The following STK39 variants were observed in gnomAD, a reference collection of about 807,000 sequenced individuals.
STK39 encodes the protein STE20/SPS1-related proline-alanine-rich protein kinase.
Under a neutral mutation model 77.8 loss-of-function variants are expected in STK39, and 20 were observed. The observed-to-expected ratio is 0.26, with a 90% confidence interval of 0.18 to 0.37. The LOEUF is 0.37. Ranked by LOEUF, STK39 falls within the 10% of genes least tolerant of loss-of-function variation. The pLI is 1.00. For synonymous variants in STK39, 246 were observed against 234.1 expected, an observed-to-expected ratio of 1.05 and a Z score of -0.47; for missense variants, 479 against 656.5, an observed-to-expected ratio of 0.73 and a Z score of 2.95.
At chr2:168,139,233 G>T (rs1191987408) in intron 7 of STK39, among the ~76,000 whole-genome samples, 1 of 152,010 alleles carries the variant, frequency 6.6e-6, no homozygotes, top group Non-Finnish European at 1.5e-5. Context: ...GAAAGAAAAT[G>T]AAGAAAGAAA....
At chr2:167,960,707 G>T (rs1691930612) in intron 17 of STK39, among the ~76,000 whole-genome samples, 1 of 152,080 alleles carries the variant, frequency 6.6e-6, no homozygotes, top group Non-Finnish European at 1.5e-5. Context: ...TGGCGTCACT[G>T]AAAAGGAATG....
At chr2:168,193,762 G>T (rs1462362807) in intron 1 of STK39, among the ~76,000 whole-genome samples, 2 of 152,226 alleles carry the variant, frequency 1.3e-5, no homozygotes, top group African/African-American at 4.8e-5. Context: ...CTGTGAAAAC[G>T]TTGCTGCTTA....
Position 168,059,140 on chromosome 2 carries a change from G to A in STK39, c.1376+4360C>T, listed in dbSNP as rs371739122. On this transcript the variant is annotated intron_variant, in intron 14 of 17. Coordinates refer to ENST00000355999, the MANE Select transcript of STK39 (RefSeq NM_013233.3). ...TGGCTTGTTTCCTCACTTCCAATAG[G>A]GGTCTGTCTGTTCAAATATTACTTT... Among the ~76,000 whole-genome samples, 27 of 152,214 alleles carry A rather than the reference G, an allele frequency of 1.8e-4. No individual in the cohort carries two copies. In the East Asian group the frequency reaches 2.9e-3, roughly 16 times the overall value.
chr2:168,058,010 T>A (rs74867859), intron 14 of STK39, among the ~76,000 whole-genome samples: 5 of 152,190 alleles, frequency 3.3e-5, no homozygotes, highest in Non-Finnish European at 5.9e-5. Context: ...CCTGTAAACA[T>A]GCTTTTTTTA....
intron 16 of STK39, among the ~76,000 whole-genome samples, chr2:167,986,899 C>T (rs774180401): frequency 6.6e-6 from 1 of 151,996 alleles, no homozygotes; most frequent in Non-Finnish European, 1.5e-5. Context: ...AGAAGACGAG[C>T]CAGAAAAGAG....
chr2:168,116,489 TA>T (rs1421613578), intron 10 of STK39, among the ~76,000 whole-genome samples: 4 of 152,120 alleles, frequency 2.6e-5, no homozygotes, highest in African/African-American at 7.2e-5. Flanking sequence ...GATTTCAAAG[TA>T]AAAAAATATA....
chr2:168,137,196 A>C (rs977454269), intron 8 of STK39, among the ~76,000 whole-genome samples: 1 of 152,238 alleles, frequency 6.6e-6, no homozygotes, highest in African/African-American at 2.4e-5. Context: ...CCTTCCCTGA[A>C]AAAGAAAGTT....
rs568276094 is a variant in STK39, at chr2:168,014,489, TA to T, written c.1430-1788del. On this transcript the variant is annotated intron_variant, in intron 15 of 17. Transcript: ENST00000355999. Reference sequence around the variant, plus strand: ...TTTTTTAAAAAAGAAAAGAAAAAAATAAAAAAAAAACACCTTATAAAGTCTC... The same window carrying T: ...TTTTTTAAAAAAGAAAAGAAAAAAATAAAAAAAAACACCTTATAAAGTCTC... Among the ~76,000 whole-genome samples the T allele has an allele frequency of 4.0e-3, 579 of 145,896 alleles. 2 individuals are homozygous for T. The highest frequency in any genetic ancestry group is 0.013 in the African/African-American group (531 of 39,564).
chr2:168,196,867 A>G (rs1689482671), intron 1 of STK39, among the ~76,000 whole-genome samples: 1 of 152,184 alleles, frequency 6.6e-6, no homozygotes. Context: ...TGGAGAGCTC[A>G]AGGGACAAAG....
intron 12 of STK39, among the ~76,000 whole-genome samples, chr2:168,070,667 T>C (rs1182991614): frequency 1.4e-5 from 2 of 146,762 alleles, no homozygotes; most frequent in Admixed American, 1.4e-4. Flanking sequence ...CATTGTTCAA[T>C]TCCCACCTAT....
At chr2:168,148,904 AG>A (rs1176123223) in intron 5 of STK39, among the ~76,000 whole-genome samples, 32 of 152,314 alleles carry the variant, frequency 2.1e-4, no homozygotes, top group African/African-American at 7.2e-4. Flanking sequence ...CTGAATGTTA[AG>A]TCCCAATGAC....
intron 5 of STK39, among the ~76,000 whole-genome samples, chr2:168,142,235 A>G (rs1688001387): frequency 6.6e-6 from 1 of 152,234 alleles, no homozygotes; most frequent in African/African-American, 2.4e-5. Context: ...CTCTTAGAGA[A>G]GAGTTAGGTG....
chr2:168,153,343 A>C (rs1016679818), intron 5 of STK39, among the ~76,000 whole-genome samples: 4 of 152,112 alleles, frequency 2.6e-5, no homozygotes, highest in Non-Finnish European at 4.4e-5. Flanking sequence ...AGTAAGGGGG[A>C]GAGGTAAATA....
intron 2 of STK39, among the ~76,000 whole-genome samples, chr2:168,180,854 G>A (rs1434817462): frequency 5.3e-5 from 8 of 152,204 alleles, no homozygotes; most frequent in African/African-American, 1.4e-4. Flanking sequence ...AGTTTTAGCC[G>A]GCAATCCATT....
chr2:168,179,045 C>G (rs75071199), intron 2 of STK39, among the ~76,000 whole-genome samples: 3 of 151,354 alleles, frequency 2.0e-5, no homozygotes, highest in Non-Finnish European at 2.9e-5. Context: ...CAGTGGCCAA[C>G]AAATAGTTGA....
intron 10 of STK39, among the ~76,000 whole-genome samples, chr2:168,076,650 C>T (rs1686085636): frequency 6.6e-6 from 1 of 152,046 alleles, no homozygotes; most frequent in African/African-American, 2.4e-5. Flanking sequence ...GTACAAAGTA[C>T]TTTTTCATAA....
At chr2:168,175,273 T>A (rs970144410) in intron 2 of STK39, among the ~76,000 whole-genome samples, 4 of 152,180 alleles carry the variant, frequency 2.6e-5, no homozygotes, top group Admixed American at 1.3e-4. Context: ...ATTTAAAAAG[T>A]GAGATGTAAC....
intron 1 of STK39, among the ~76,000 whole-genome samples, chr2:168,225,683 A>G (rs1690286226): frequency 6.6e-6 from 1 of 152,230 alleles, no homozygotes; most frequent in Non-Finnish European, 1.5e-5. Context: ...TTGTAAGTAT[A>G]TATTTTAACA....
At chr2:168,050,628 T>A (rs1685370056) in intron 14 of STK39, among the ~76,000 whole-genome samples, 1 of 152,104 alleles carries the variant, frequency 6.6e-6, no homozygotes, top group Non-Finnish European at 1.5e-5. Flanking sequence ...AGCCGAGGGA[T>A]GCAGGCTACC....
Sources: gnomAD v4.1 joint callset for allele counts (sites outside exome capture counted in the v4.1 genomes callset) on GRCh38, gnomAD v4.1.1 for gene constraint, MANE v1.5 for transcripts, NCBI Gene and HGNC (gene_info 2026-07-23, HGNC 2026-07-21) for gene names.